Variants in PDE7B observed in about 807,000 individuals in gnomAD.
The protein encoded by PDE7B is phosphodiesterase 7B.
In PDE7B, 29 loss-of-function variants were observed where a neutral mutation model predicts 56.2. That is an observed-to-expected ratio of 0.52 (90% CI 0.38 to 0.70). The LOEUF (loss-of-function observed/expected upper bound fraction) is 0.70. PDE7B is among the 30% of genes least tolerant of loss of function. The pLI is 0.00. For synonymous variants in PDE7B, 197 were observed against 196.9 expected (o/e 1.00, Z 0.00); for missense variants, 490 against 565.0 (o/e 0.87, Z 1.35).
At chr6:135,995,596 C>T (rs557637036) in intron 2 of PDE7B, among the ~76,000 whole-genome samples, 4 of 151,966 alleles carry the variant, frequency 2.6e-5, no homozygotes, top group South Asian at 2.1e-4. Context: ...AGAAAAAGAC[C>T]GTTGTGGTGA....
intron 2 of PDE7B, among the ~76,000 whole-genome samples, chr6:136,000,474 C>A (rs1034632807): frequency 1.3e-5 from 2 of 152,194 alleles, no homozygotes; most frequent in African/African-American, 4.8e-5. Flanking sequence ...ACATGGCTAG[C>A]CAGCTATCCC....
intron 1 of PDE7B, among the ~76,000 whole-genome samples, chr6:135,864,697 A>T (rs1439032728): frequency 6.6e-6 from 1 of 152,032 alleles, no homozygotes; most frequent in African/African-American, 2.4e-5. Flanking sequence ...TGGTTTCTTA[A>T]ATGTGTGTCG....
intron 1 of PDE7B, among the ~76,000 whole-genome samples, chr6:135,907,734 T>C (rs1268488931): frequency 6.6e-6 from 1 of 152,170 alleles, no homozygotes; most frequent in Non-Finnish European, 1.5e-5. Flanking sequence ...TAAAAATACA[T>C]GTAATACTCT....
intron 1 of PDE7B, among the ~76,000 whole-genome samples, chr6:135,926,261 G>C (rs1457068168): frequency 6.6e-6 from 1 of 151,944 alleles, no homozygotes; most frequent in East Asian, 1.9e-4. Context: ...TAATTTTTTT[G>C]TATTTTTGGT....
At position 135,940,782 on chromosome 6, in the gene PDE7B, G is replaced by A. The variant is rs1774494873; in HGVS notation, c.22-6682G>A. On this transcript the variant is annotated intron_variant, in intron 1 of 12. Transcript: ENST00000308191. ...AGCTGCATCTATGGCAGTGCTTACTGGTGTATATGCAGAAATGTCCTGGAA... is the reference window on the plus strand; with the variant it reads ...AGCTGCATCTATGGCAGTGCTTACTAGTGTATATGCAGAAATGTCCTGGAA... Among the ~76,000 whole-genome samples the A allele has an allele frequency of 2.6e-5, 4 of 152,190 alleles. No individual in the cohort carries two copies. In the South Asian group the frequency reaches 8.3e-4, roughly 32 times the overall value.
At chr6:135,926,243 C>G (rs1027035051) in intron 1 of PDE7B, among the ~76,000 whole-genome samples, 1 of 151,816 alleles carries the variant, frequency 6.6e-6, no homozygotes, top group Non-Finnish European at 1.5e-5. Context: ...CCCGCCACCA[C>G]GCCCAGCTAA....
chr6:136,109,363 C>T (rs1478437161), intron 3 of PDE7B, among the ~76,000 whole-genome samples: 1 of 152,172 alleles, frequency 6.6e-6, no homozygotes, highest in African/African-American at 2.4e-5. Context: ...GTCTCAAAAA[C>T]TGTGATGCCC....
intron 1 of PDE7B, among the ~76,000 whole-genome samples, chr6:135,864,007 T>A (rs1775203368): frequency 6.6e-6 from 1 of 152,088 alleles, no homozygotes; most frequent in Admixed American, 6.6e-5. Context: ...TGTTCTATAT[T>A]TCTTTTTCTC....
At chr6:135,972,675 C>T (rs1215133021) in intron 2 of PDE7B, among the ~76,000 whole-genome samples, 6 of 151,998 alleles carry the variant, frequency 3.9e-5, no homozygotes, top group Non-Finnish European at 8.8e-5. Context: ...ATCAATATTC[C>T]GTTGGTCAGA....
At chr6:136,076,414 A>G (rs1025992155) in intron 2 of PDE7B, among the ~76,000 whole-genome samples, 4 of 152,174 alleles carry the variant, frequency 2.6e-5, no homozygotes, top group Non-Finnish European at 4.4e-5. Context: ...CGGAGGTTGC[A>G]GTGAGCCAAG....
At chr6:136,148,241 A>T (rs1257801269) in intron 4 of PDE7B, among the ~76,000 whole-genome samples, 1 of 152,022 alleles carries the variant, frequency 6.6e-6, no homozygotes, top group African/African-American at 2.4e-5. Context: ...TGTAAATCCC[A>T]GTACTTTGAG....
At chr6:135,938,138 TC>T (rs1257749604) in intron 1 of PDE7B, among the ~76,000 whole-genome samples, 7 of 152,244 alleles carry the variant, frequency 4.6e-5, no homozygotes, top group Non-Finnish European at 7.3e-5. Flanking sequence ...TATACTCAGT[TC>T]TTTCCATTAT....
intron 2 of PDE7B, among the ~76,000 whole-genome samples, chr6:135,988,109 A>G (rs555608769): frequency 4.6e-5 from 7 of 152,342 alleles, no homozygotes; most frequent in South Asian, 2.1e-4. Flanking sequence ...TAATTGGGCA[A>G]TGTTCTAGAA....
chr6:135,905,515 A>G (rs1206375895), intron 1 of PDE7B, among the ~76,000 whole-genome samples: 1 of 152,182 alleles, frequency 6.6e-6, no homozygotes, highest in Non-Finnish European at 1.5e-5. Context: ...TCCTTTCACT[A>G]TAATCATCAC....
chr6:136,100,936 G>A (rs1391904382), intron 2 of PDE7B, among the ~76,000 whole-genome samples: 1 of 152,148 alleles, frequency 6.6e-6, no homozygotes, highest in Non-Finnish European at 1.5e-5. Context: ...TTTGAGATGT[G>A]TTCCATCAAT....
At chr6:136,059,206 T>C (rs1428685493) in intron 2 of PDE7B, among the ~76,000 whole-genome samples, 1 of 152,124 alleles carries the variant, frequency 6.6e-6, no homozygotes, top group East Asian at 1.9e-4. Flanking sequence ...CCTTGAGCAA[T>C]AGGATATAAA....
At chr6:135,996,310 AG>A (rs1166459094) in intron 2 of PDE7B, among the ~76,000 whole-genome samples, 1 of 152,250 alleles carries the variant, frequency 6.6e-6, no homozygotes, top group African/African-American at 2.4e-5. Flanking sequence ...AAATCAAGCA[AG>A]GATACTTGCT....
intron 2 of PDE7B, among the ~76,000 whole-genome samples, chr6:135,948,596 T>G (rs1399801013): frequency 2.0e-5 from 3 of 151,946 alleles, no homozygotes; most frequent in African/African-American, 7.2e-5. Context: ...ACATCATATT[T>G]TTCTAGCCTT....
At chr6:135,876,422 A>G (rs971267700) in intron 1 of PDE7B, among the ~76,000 whole-genome samples, 1 of 152,008 alleles carries the variant, frequency 6.6e-6, no homozygotes, top group Non-Finnish European at 1.5e-5. Flanking sequence ...TATTTTTCCT[A>G]CCTTATAATC....
Sources: gnomAD v4.1 joint callset for allele counts (sites outside exome capture counted in the v4.1 genomes callset) on GRCh38, gnomAD v4.1.1 for gene constraint, MANE v1.5 for transcripts, NCBI Gene and HGNC (gene_info 2026-07-23, HGNC 2026-07-21) for gene names.